The following SLMAP variants were observed in gnomAD, a reference collection of about 807,000 sequenced individuals.
The protein encoded by SLMAP is sarcolemma associated protein.
A neutral mutation model predicts 128.8 loss-of-function variants in SLMAP; 44 were observed. That is an observed-to-expected ratio of 0.34 (90% CI 0.27 to 0.44). The LOEUF (loss-of-function observed/expected upper bound fraction) is 0.44, where lower values mean the gene tolerates loss of function less well. Ranked by LOEUF, SLMAP falls within the 20% of genes least tolerant of loss-of-function variation. The probability of loss-of-function intolerance (pLI) is 1.00; values close to 1 mark genes in which losing one functional copy is unlikely to be tolerated. For synonymous variants in SLMAP, 327 were observed against 348.8 expected, an observed-to-expected ratio of 0.94 and a Z score of 0.70; for missense variants, 787 against 985.3, an observed-to-expected ratio of 0.80 and a Z score of 2.69.
chr3:57,883,799 T>A (rs765876674), intron 14 of SLMAP, among the ~76,000 whole-genome samples: 8 of 152,136 alleles, frequency 5.3e-5, no homozygotes, highest in Non-Finnish European at 7.4e-5. Context: ...GAAAACCAAG[T>A]TAAAACTGTG....
chr3:57,782,095 T>C (rs1349104041), intron 2 of SLMAP, among the ~76,000 whole-genome samples: 1 of 152,214 alleles, frequency 6.6e-6, no homozygotes, highest in Non-Finnish European at 1.5e-5. Context: ...ATTTTGGGAC[T>C]TACATTTGAT....
At chr3:57,911,255 T>G (rs1471359181) in intron 19 of SLMAP, among the ~76,000 whole-genome samples, 4 of 152,200 alleles carry the variant, frequency 2.6e-5, no homozygotes, top group African/African-American at 9.6e-5. Flanking sequence ...CTCTGGCCAT[T>G]GTGCCCTTTC....
At position 57,829,268 on chromosome 3, in the gene SLMAP, TTC is replaced by T. The variant is rs1319187115; in HGVS notation, c.199-2113_199-2112del. On this transcript the variant is annotated intron_variant, in intron 2 of 24. Transcript: ENST00000671191. ...TTTTTTCATGTATTCTTTATTTTTA[TTC>T]TGTTCCATTTTATGTTTTTTTAAAA... Among the ~76,000 whole-genome samples the T allele has an allele frequency of 4.6e-5, 7 of 152,346 alleles. No individual in the cohort carries two copies. In the East Asian group the frequency reaches 1.3e-3, roughly 29 times the overall value.
chr3:57,925,766 C>T, intron 23 of SLMAP, 79 bp from the exon 24 acceptor site: 3 of 933,642 alleles, frequency 3.2e-6, no homozygotes, highest in Non-Finnish European at 5.1e-6. Flanking sequence ...TCCTACCTCC[C>T]ACCCTACTGG....
chr3:57,912,641 T>C lies in SLMAP; in HGVS notation c.1960T>C (p.Phe654Leu). Residue 654 changes from phenylalanine to leucine, a missense_variant, in exon 20 of 25, where the codon TTT (phenylalanine) becomes CTT (leucine). Physicochemically the swap from Phe to Leu is conservative, Grantham distance 22. Coordinates refer to ENST00000671191, the MANE Select transcript of SLMAP (RefSeq NM_001377540.1). ...AGAAATCACAAGTCTGCAAAACAGT[T>C]TTCAGCTTAGATGTCAACAGTGTGA... is the stretch of plus-strand genomic sequence containing the variant. ...EKEITSLQNS[F>L]QLRCQQCEDQ... The C allele has an allele frequency of 6.2e-7, 1 of 1,614,036 alleles. No individual in the cohort carries two copies. Among genetic ancestry groups the C allele is most frequent in the Non-Finnish European group, 8.5e-7 (1 of 1,179,992 alleles).
intron 17 of SLMAP, among the ~76,000 whole-genome samples, chr3:57,905,013 G>T (rs2096492286): frequency 6.6e-6 from 1 of 152,156 alleles, no homozygotes; most frequent in South Asian, 2.1e-4. Context: ...TAAGGCTGCA[G>T]TGAACTGTGA....
rs906541844 is a variant in SLMAP at position 57,916,957 on chromosome 3, G to A, written c.2190G>A (p.Met730Ile). 2 of 1,613,772 alleles carry A rather than the reference G, an allele frequency of 1.2e-6. No homozygotes were observed. Among genetic ancestry groups the A allele is most frequent in the Non-Finnish European group, 1.7e-6 (2 of 1,179,884 alleles). ...CCAGTGATCTCAGCATCCTTCAAAT[G>A]TCTAGGAAAGAACTTGAGAATCAAG... is the stretch of plus-strand genomic sequence containing the variant. Reference protein sequence around the residue: ...ELTSDLSILQMSRKELENQVG... With the variant: ...ELTSDLSILQISRKELENQVG... Residue 730 changes from methionine (M) to isoleucine (I), a missense_variant, in exon 22 of 25, where the codon ATG becomes ATA. By Grantham distance (10) the Met-to-Ile change is conservative. This residue lies in a region of SLMAP where 715 missense variants were observed against 843.6 expected (regional missense o/e 0.85). Transcript: ENST00000671191.
chr3:57,908,105 C>A, intron 18 of SLMAP, 99 bp downstream of exon 18: 1 of 1,119,474 alleles, frequency 8.9e-7, no homozygotes, highest in Non-Finnish European at 1.3e-6. Context: ...GTTCCAGATT[C>A]ACAACTTTAT....
At chr3:57,762,061 A>T (rs2078771737) in intron 2 of SLMAP, among the ~76,000 whole-genome samples, 1 of 150,244 alleles carries the variant, frequency 6.7e-6, no homozygotes, top group East Asian at 2.0e-4. Flanking sequence ...CTCAAAAAAA[A>T]AAAAAAAAAA....
intron 2 of SLMAP, among the ~76,000 whole-genome samples, chr3:57,806,431 ATTTTC>A (rs1416662713): frequency 2.0e-5 from 3 of 150,940 alleles, no homozygotes; most frequent in East Asian, 3.9e-4. Context: ...TATGTACCAC[ATTTTC>A]TTTTCTTTTC....
At chr3:57,860,670 T>C in intron 8 of SLMAP, 29 bp from the exon 9 acceptor site, 2 of 1,466,328 alleles carry the variant, frequency 1.4e-6, no homozygotes. Flanking sequence ...AAATAACTTG[T>C]CTATAATTAT....
At chr3:57,813,708 A>G (rs933814875) in intron 2 of SLMAP, among the ~76,000 whole-genome samples, 1 of 152,234 alleles carries the variant, frequency 6.6e-6, no homozygotes, top group African/African-American at 2.4e-5. Context: ...ATAGGTGTTA[A>G]TGCAACTACT....
At chr3:57,889,004 C>T (rs2095988054) in intron 14 of SLMAP, among the ~76,000 whole-genome samples, 1 of 151,994 alleles carries the variant, frequency 6.6e-6, no homozygotes, top group Non-Finnish European at 1.5e-5. Context: ...CCTGCCTCAG[C>T]CTCCCGAGTA....
At chr3:57,775,676 CA>C (rs1371777438) in intron 2 of SLMAP, among the ~76,000 whole-genome samples, 1 of 151,856 alleles carries the variant, frequency 6.6e-6, no homozygotes, top group African/African-American at 2.4e-5. Flanking sequence ...GGAGACAGAA[CA>C]AGACCCTATC....
intron 2 of SLMAP, among the ~76,000 whole-genome samples, chr3:57,759,789 G>A (rs2078258059): frequency 6.6e-6 from 1 of 152,072 alleles, no homozygotes; most frequent in Admixed American, 6.6e-5. Context: ...CACTCGAAGG[G>A]GACTCCCATT....
intron 4 of SLMAP, among the ~76,000 whole-genome samples, chr3:57,845,403 G>A (rs1439397687): frequency 6.6e-6 from 1 of 152,206 alleles, no homozygotes. Context: ...TAGTGTATTT[G>A]TGACTAGTTG....
chr3:57,869,645 T>TATATATATATATA (rs1553900439), intron 13 of SLMAP, among the ~76,000 whole-genome samples: 4 of 134,204 alleles, frequency 3.0e-5, no homozygotes, highest in African/African-American at 1.1e-4. Flanking sequence ...TATATATATA[T>TATATATATATATA]ATATATATAT....
rs531015722 is a variant in SLMAP at position 57,767,035 on chromosome 3, C to CT, written c.198+9186_198+9187insT. Among the ~76,000 whole-genome samples the CT allele has an allele frequency of 4.0e-4, 61 of 152,254 alleles. 2 individuals carry two copies. In the South Asian group the frequency reaches 0.012, roughly 31 times the overall value. ...ATGGGTTCAAGCAGTTCTCCTGCCTCAGCCTCTCAAGTAGCTGGGATGACA... is the reference window on the plus strand; with the variant it reads ...ATGGGTTCAAGCAGTTCTCCTGCCTCTAGCCTCTCAAGTAGCTGGGATGACA... On this transcript the variant is annotated intron_variant, in intron 2 of 24. Coordinates refer to ENST00000671191, the MANE Select transcript of SLMAP (RefSeq NM_001377540.1).
intron 2 of SLMAP, among the ~76,000 whole-genome samples, chr3:57,766,052 A>G (rs369406329): frequency 7.0e-6 from 1 of 143,394 alleles, no homozygotes; most frequent in African/African-American, 2.6e-5. Flanking sequence ...AGGCTGGAAT[A>G]CAGTGGCGCG....
Sources: allele counts gnomAD v4.1 joint callset (sites outside exome capture counted in the v4.1 genomes callset), GRCh38; gene constraint gnomAD v4.1.1; regional missense constraint gnomAD v4.1.1; transcripts MANE v1.5; gene names NCBI Gene and HGNC (gene_info 2026-07-23, HGNC 2026-07-21).